Variants in NEBL observed in about 807,000 individuals in gnomAD.
The protein encoded by NEBL is LIM and SH3 protein 2.
NEBL carries 122 observed loss-of-function variants against 140.2 expected under a neutral mutation model. The observed-to-expected ratio is 0.87, with a 90% CI of 0.75 to 1.01. The LOEUF is 1.01. NEBL is among the 50% of genes least tolerant of loss of function. The pLI is 0.00. For missense variants in NEBL, 1,365 were observed against 1,231.3 expected (o/e 1.11, Z -1.62); for synonymous variants, 436 against 398.9 (o/e 1.09, Z -1.11).
At chr10:20,946,873 C>T (rs1474569279) in intron 4 of NEBL, among the ~76,000 whole-genome samples, 2 of 152,062 alleles carry the variant, frequency 1.3e-5, no homozygotes, top group African/African-American at 2.4e-5. Context: ...ATTTTTTTGC[C>T]TCCTAAACTG....
At chr10:20,853,122 C>T (rs1345027059) in intron 9 of NEBL, among the ~76,000 whole-genome samples, 2 of 152,082 alleles carry the variant, frequency 1.3e-5, no homozygotes, top group South Asian at 4.2e-4. Flanking sequence ...CAAAAAGACT[C>T]CACCACAAAG....
chr10:21,109,695 C>T (rs1564514440), intron 2 of NEBL, among the ~76,000 whole-genome samples: 1 of 152,108 alleles, frequency 6.6e-6, no homozygotes, highest in South Asian at 2.1e-4. Context: ...TTGGTCTATT[C>T]AGAGATTCAG....
chr10:20,977,331 C>G (rs1836846301), intron 3 of NEBL, among the ~76,000 whole-genome samples: 1 of 152,166 alleles, frequency 6.6e-6, no homozygotes, highest in Admixed American at 6.5e-5. Flanking sequence ...TCTTCGTTCC[C>G]CCATTTCTTA....
intron 5 of NEBL, among the ~76,000 whole-genome samples, chr10:20,880,382 G>A (rs1845908647): frequency 6.6e-6 from 1 of 152,034 alleles, no homozygotes; most frequent in African/African-American, 2.4e-5. Flanking sequence ...AAAGAAAACA[G>A]TAGTGGGTAC....
intron 2 of NEBL, among the ~76,000 whole-genome samples, chr10:21,077,708 T>C (rs959121124): frequency 2.0e-5 from 3 of 152,204 alleles, no homozygotes; most frequent in Admixed American, 6.5e-5. Flanking sequence ...TGGTTCCTGA[T>C]ATCTTTTTCC....
intron 2 of NEBL, among the ~76,000 whole-genome samples, chr10:20,892,271 T>G (rs550985369): frequency 3.3e-5 from 5 of 152,250 alleles, no homozygotes; most frequent in Non-Finnish European, 7.3e-5. Context: ...GTGCTTCTAG[T>G]GTTTCTGGTA....
rs549026935 is a variant in NEBL at position 20,837,597 on chromosome 10, A to C, written c.1339-1974T>G. ...CCAGAAGATCTAGCTAAGATAATTA[A>C]TGAAGGTAGCTACACTAAACAACAG... On this transcript the variant is annotated intron_variant, in intron 13 of 27. Transcript: ENST00000377122. Among the ~76,000 whole-genome samples the C allele has an allele frequency of 2.6e-5, 4 of 152,350 alleles. No homozygotes were observed. In the East Asian group the frequency reaches 7.7e-4, roughly 29 times the overall value.
intron 19 of NEBL, among the ~76,000 whole-genome samples, chr10:20,821,499 C>T (rs910643750): frequency 6.6e-6 from 1 of 152,102 alleles, no homozygotes; most frequent in Non-Finnish European, 1.5e-5. Flanking sequence ...CAGATAAATA[C>T]TACAAATAAC....
At chr10:20,870,328 A>G (rs1375300401) in intron 5 of NEBL, among the ~76,000 whole-genome samples, 1 of 150,882 alleles carries the variant, frequency 6.6e-6, no homozygotes, top group Non-Finnish European at 1.5e-5. Flanking sequence ...TTTATCTCAA[A>G]AAAAAAAAAA....
chr10:21,037,100 C>T (rs1448212397), intron 2 of NEBL, among the ~76,000 whole-genome samples: 1 of 152,162 alleles, frequency 6.6e-6, no homozygotes, highest in Non-Finnish European at 1.5e-5. Flanking sequence ...AAAACCTACT[C>T]AGGAATCAGG....
chr10:21,107,566 T>G (rs1463909069), intron 2 of NEBL, among the ~76,000 whole-genome samples: 1 of 152,246 alleles, frequency 6.6e-6, no homozygotes, highest in Non-Finnish European at 1.5e-5. Flanking sequence ...TGGATTCAGT[T>G]TGCCAGTATT....
chr10:21,235,730 C>T (rs1265573311), intron 3 of NEBL, among the ~76,000 whole-genome samples: 1 of 152,220 alleles, frequency 6.6e-6, no homozygotes, highest in Non-Finnish European at 1.5e-5. Flanking sequence ...CAAATAAAAA[C>T]TTGATAACAT....
At chr10:21,053,057 G>T (rs1004536193) in intron 2 of NEBL, among the ~76,000 whole-genome samples, 1 of 152,094 alleles carries the variant, frequency 6.6e-6, no homozygotes, top group Non-Finnish European at 1.5e-5. Flanking sequence ...ATATCCTAAT[G>T]CCTTGATTTG....
intron 4 of NEBL, among the ~76,000 whole-genome samples, chr10:20,907,312 T>C (rs1472758623): frequency 1.3e-5 from 2 of 152,140 alleles, no homozygotes; most frequent in African/African-American, 4.8e-5. Context: ...AATGAATTAA[T>C]TTTTAAAATT....
chr10:20,976,451 C>A (rs1836802600), intron 3 of NEBL, among the ~76,000 whole-genome samples: 1 of 151,952 alleles, frequency 6.6e-6, no homozygotes, highest in African/African-American at 2.4e-5. Context: ...ATTGTTCCAC[C>A]AAAAAGACAA....
intron 13 of NEBL, among the ~76,000 whole-genome samples, chr10:20,839,880 T>A (rs7897164): frequency 0.41 from 62,940 of 151,944 alleles, 13,971 homozygotes; most frequent in African/African-American, 0.58. Context: ...TTTTATTAAG[T>A]GGGTTCATTG....
rs181850749 is a variant in NEBL, at chr10:20,938,896, T to C, written c.357+22776A>G. Among the ~76,000 whole-genome samples the C allele has an allele frequency of 1.8e-3, 268 of 152,032 alleles. 9 individuals are homozygous for C. In the East Asian group the frequency reaches 0.044, roughly 25 times the overall value. Reference sequence around the variant, plus strand: ...GAAGAGAAGTTTAGAGAAAAAAGAATAAAAAGAAATGAACAAAACCTCCAA... The same window carrying C: ...GAAGAGAAGTTTAGAGAAAAAAGAACAAAAAGAAATGAACAAAACCTCCAA... On this transcript the variant is annotated intron_variant, in intron 4 of 6. Transcript: ENST00000417816.
intron 3 of NEBL, among the ~76,000 whole-genome samples, chr10:21,018,457 G>T (rs1459265887): frequency 5.3e-5 from 8 of 152,156 alleles, no homozygotes; most frequent in Admixed American, 5.2e-4. Context: ...CCATAATAGT[G>T]TCTCTCTTTG....
chr10:21,170,174 C>A (rs1841012334), intron 2 of NEBL: 1 of 152,162 alleles, frequency 6.6e-6, no homozygotes, highest in African/African-American at 2.4e-5. Context: ...TATTTTTGAT[C>A]ATTTCTTTTT....
Sources: gnomAD v4.1 joint callset for allele counts (sites outside exome capture counted in the v4.1 genomes callset) on GRCh38, gnomAD v4.1.1 for gene constraint, MANE v1.5 for transcripts, NCBI Gene and HGNC (gene_info 2026-07-23, HGNC 2026-07-21) for gene names.